Variants in SIMC1 observed in about 807,000 individuals in gnomAD.
SIMC1 encodes the protein SUMO interacting motifs containing 1.
In SIMC1, 55 loss-of-function variants were observed where a neutral mutation model predicts 82.3. The observed-to-expected ratio is 0.67, with a 90% CI of 0.54 to 0.84. The LOEUF is 0.84. Ranked by LOEUF, SIMC1 falls within the 40% of genes least tolerant of loss-of-function variation. The pLI, the probability that SIMC1 is intolerant of heterozygous loss-of-function variation, is 0.00. For missense variants in SIMC1, 915 were observed against 1,107.2 expected (o/e 0.83, Z 2.46); for synonymous variants, 353 against 426.3 (o/e 0.83, Z 2.12).
chr5:176,289,888 C>A lies in SIMC1; in HGVS notation c.364C>A (p.Arg122=). 1 of 1,613,910 alleles carries A rather than the reference C, an allele frequency of 6.2e-7. No individual in the cohort carries two copies. The highest frequency in any genetic ancestry group is 8.5e-7 in the Non-Finnish European group (1 of 1,179,848). ...HVDRSSQPTA[R]RIINSDPVDL... is the part of the protein sequence containing the mutation. ...GGACAGAAGCTCTCAGCCTACAGCA[C>A]GGAGAATCATTAACAGTGATCCTGT... Residue 122 remains arginine (R), a synonymous_variant, in exon 2 of 10, where the codon CGG becomes AGG. Coordinates refer to ENST00000429602, the MANE Select transcript of SIMC1 (RefSeq NM_001308195.2).
Position 176,238,571 on chromosome 5 carries a change from G to C in SIMC1, c.63G>C (p.Pro21=), listed in dbSNP as rs1187161114. The C allele has an allele frequency of 1.5e-6, 2 of 1,306,268 alleles. No homozygotes were observed. The allele number at this position is 1,306,268 out of a possible 1,614,324, so 80.9% of individuals were successfully genotyped here. A position where few individuals can be genotyped will look rare whatever the true frequency, so the allele number is the denominator to read the frequency against. ...SGSESSGGAR[P]GRSRRPRRAL... is the part of the protein sequence containing the mutation. ...CTGAGAGCTCCGGGGGCGCCCGCCC[G>C]GGCCGGTCGCGGAGGCCGCGCCGGG... is the stretch of plus-strand genomic sequence containing the variant. The change falls in exon 1 of 10, where the codon CCG becomes CCC. Residue 21 remains proline (P), a synonymous_variant. Coordinates refer to ENST00000429602, the MANE Select transcript of SIMC1 (RefSeq NM_001308195.2).
At chr5:176,339,554 A>G (rs747867245) in intron 9 of SIMC1, among the ~76,000 whole-genome samples, 7 of 152,114 alleles carry the variant, frequency 4.6e-5, no homozygotes, top group Non-Finnish European at 1.0e-4. Context: ...GTTAATATTA[A>G]CAGCTTGTTT....
At position 176,279,034 on chromosome 5, in the gene SIMC1, C is replaced by T. The variant is rs150344201; in HGVS notation, c.130-10620C>T. ...AGTTTCAGAAGGAGTGGTACCAGCT[C>T]CTCCTTATACCTCTGGTAGAATTCG... is the stretch of plus-strand genomic sequence containing the variant. On this transcript the variant is annotated intron_variant, in intron 1 of 9. Transcript: ENST00000429602. Among the ~76,000 whole-genome samples, 1,038 of 152,246 alleles carry T rather than the reference C, an allele frequency of 6.8e-3. 10 individuals carry two copies. The highest frequency in any genetic ancestry group is 0.024 in the African/African-American group (994 of 41,534).
intron 1 of SIMC1, among the ~76,000 whole-genome samples, chr5:176,241,567 C>G (rs1467483177): frequency 6.6e-6 from 1 of 151,804 alleles, no homozygotes; most frequent in Admixed American, 6.6e-5. Flanking sequence ...TTATATGTAG[C>G]TAACCCTTGA....
chr5:176,257,399 G>T (rs1761881659), intron 1 of SIMC1, among the ~76,000 whole-genome samples: 1 of 152,178 alleles, frequency 6.6e-6, no homozygotes. Context: ...TGTACAGGAA[G>T]CATGGTGCCA....
At chr5:176,316,090 G>T (rs1764889789) in intron 5 of SIMC1, among the ~76,000 whole-genome samples, 2 of 152,078 alleles carry the variant, frequency 1.3e-5, no homozygotes, top group Admixed American at 1.3e-4. Flanking sequence ...CAGGAGAATT[G>T]CTTGAACCTG....
At chr5:176,280,548 T>G (rs1394525468) in intron 1 of SIMC1, among the ~76,000 whole-genome samples, 1 of 152,230 alleles carries the variant, frequency 6.6e-6, no homozygotes, top group East Asian at 1.9e-4. Context: ...CTTTACATTT[T>G]GGCATGATTT....
chr5:176,298,777 T>A (rs556714138), intron 4 of SIMC1, among the ~76,000 whole-genome samples: 75 of 152,330 alleles, frequency 4.9e-4, no homozygotes, highest in Non-Finnish European at 8.2e-4. Context: ...AGACATGTTA[T>A]GTGATCTCAT....
chr5:176,306,584 C>T (rs1043074611), intron 4 of SIMC1, among the ~76,000 whole-genome samples: 5 of 151,292 alleles, frequency 3.3e-5, no homozygotes, highest in African/African-American at 1.2e-4. Context: ...ATTCCTCTGC[C>T]TTGGGATCCT....
intron 9 of SIMC1, among the ~76,000 whole-genome samples, chr5:176,337,404 G>C (rs1581333777): frequency 6.6e-6 from 1 of 152,278 alleles, no homozygotes; most frequent in African/African-American, 2.4e-5. Context: ...CTCCAGCCTG[G>C]CCAACATGGT....
chr5:176,254,499 G>A (rs2113129586), intron 1 of SIMC1, among the ~76,000 whole-genome samples: 1 of 150,840 alleles, frequency 6.6e-6, no homozygotes, highest in African/African-American at 2.4e-5. Context: ...AGGATTTCAG[G>A]AACAGAGCAG....
intron 1 of SIMC1, among the ~76,000 whole-genome samples, chr5:176,275,491 C>G (rs2113198564): frequency 6.6e-6 from 1 of 151,864 alleles, no homozygotes; most frequent in African/African-American, 2.4e-5. Context: ...TTGCCCTGGC[C>G]AGAACTTCCA....
At chr5:176,243,575 G>A (rs1302961501) in intron 1 of SIMC1, among the ~76,000 whole-genome samples, 1 of 151,476 alleles carries the variant, frequency 6.6e-6, no homozygotes, top group African/African-American at 2.4e-5. Flanking sequence ...AGGCTGTAGT[G>A]CAGTGGTGCG....
chr5:176,288,851 T>G (rs1225215128), intron 1 of SIMC1, among the ~76,000 whole-genome samples: 1 of 152,212 alleles, frequency 6.6e-6, no homozygotes, highest in African/African-American at 2.4e-5. Context: ...TTTTCCAGGC[T>G]CATGGTACAG....
chr5:176,275,317 G>A (rs1581239975), intron 1 of SIMC1, among the ~76,000 whole-genome samples: 1 of 151,870 alleles, frequency 6.6e-6, no homozygotes, highest in Non-Finnish European at 1.5e-5. Context: ...TTTGTACATT[G>A]ATTTTGTATC....
In SIMC1 at chr5:176,308,575, C is replaced by G. The variant is rs1371789160; in HGVS notation, c.1735-5116C>G. On this transcript the variant is annotated intron_variant, in intron 4 of 9. Transcript: ENST00000429602. The stretch of plus-strand genomic sequence containing the variant: ...ACAAGGGCTGGCCGGGTACTCTACA[C>G]TTGCTTCCAATCCATACAGGCCCAA... 6 of 1,590,268 alleles carry G rather than the reference C, an allele frequency of 3.8e-6. No homozygotes were observed. The Admixed American group carries it at 1.0e-4, about 27-fold the overall frequency.
chr5:176,244,315 T>C (rs2113099876), intron 1 of SIMC1, among the ~76,000 whole-genome samples: 1 of 110,782 alleles, frequency 9.0e-6, no homozygotes, highest in East Asian at 2.5e-4. Context: ...GAGTTCTGTT[T>C]TGAAGGTATA....
At chr5:176,291,099 A>G in intron 2 of SIMC1, 144 bp downstream of exon 2, 1 of 530,126 alleles carries the variant, frequency 1.9e-6, no homozygotes, top group Non-Finnish European at 3.3e-6. Flanking sequence ...AGACCCATTC[A>G]GTGTAGAGGC....
At chr5:176,339,543 G>A (rs2113418042) in intron 9 of SIMC1, among the ~76,000 whole-genome samples, 1 of 152,130 alleles carries the variant, frequency 6.6e-6, no homozygotes. Context: ...TTACCAGAAA[G>A]GTTAATATTA....
Sources: allele counts gnomAD v4.1 joint callset (sites outside exome capture counted in the v4.1 genomes callset), GRCh38; gene constraint gnomAD v4.1.1; transcripts MANE v1.5; gene names NCBI Gene and HGNC (gene_info 2026-07-23, HGNC 2026-07-21).